The following TNPO2 variants were observed in gnomAD, a reference collection of about 807,000 sequenced individuals.
The protein encoded by TNPO2 is transportin 2.
A neutral mutation model predicts 111.1 loss-of-function variants in TNPO2; 16 were observed. The observed-to-expected ratio is 0.14, with a 90% CI of 0.10 to 0.22. The LOEUF (loss-of-function observed/expected upper bound fraction) is 0.22, where lower values mean the gene tolerates loss of function less well. Among genes scored for constraint, TNPO2 ranks in the 10% least tolerant of loss-of-function variants. TNPO2 has a pLI of 1.00. For synonymous variants in TNPO2, 481 were observed against 475.8 expected, an observed-to-expected ratio of 1.01 and a Z score of -0.14; for missense variants, 530 against 1,173.7, an observed-to-expected ratio of 0.45 and a Z score of 8.01.
At chr19:12,718,638 G>T (rs1300889117) in intron 5 of TNPO2, among the ~76,000 whole-genome samples, 57 of 152,154 alleles carry the variant, frequency 3.7e-4, no homozygotes, top group Non-Finnish European at 4.4e-5. Context: ...CCTTCCAAGA[G>T]TCAGAAAAGG....
intron 2 of TNPO2, among the ~76,000 whole-genome samples, chr19:12,722,790 T>G (rs774268446): frequency 6.6e-6 from 1 of 152,024 alleles, no homozygotes; most frequent in Non-Finnish European, 1.5e-5. Flanking sequence ...CAGCCGGTCC[T>G]CCCAGTGTCT....
In TNPO2 at chr19:12,706,089, G is replaced by C; in HGVS notation, c.1668+107C>G. ...CGGGGCCGGGTCTGTCTGTCTGCCT[G>C]TCGAGGTCACGGCCACGTCCCTGGC... On this transcript the variant is annotated intron_variant, in intron 15 of 25. Transcript: ENST00000425528. This position sits in a 1 kb window ranked among gnomAD's most constrained non-coding sequence, Gnocchi z 7.0. The C allele has an allele frequency of 7.7e-7, 1 of 1,297,850 alleles. No homozygotes were observed. Among genetic ancestry groups the C allele is most frequent in the Non-Finnish European group, 1.1e-6 (1 of 947,894 alleles). 80.4% of individuals were successfully genotyped at this position (1,297,850 alleles called of 1,614,324 possible).
In TNPO2 at chr19:12,721,424, T is replaced by C. The variant is rs1210320607; in HGVS notation, c.-13-434A>G. 4.8e-6 allele frequency: 3 copies of C among 630,166 alleles called. No homozygotes were observed. The highest frequency in any genetic ancestry group is 3.0e-4 in the Middle Eastern group (1 of 3,368). 39.0% of individuals were successfully genotyped at this position (630,166 alleles called of 1,614,324 possible). A position where few individuals can be genotyped will look rare whatever the true frequency, so the allele number is the denominator to read the frequency against. ...GCCCCGGCCCCCGTGGTCTCTTCTA[T>C]GCAGGCACAGTCCCTGAAGAGTCCC... is the stretch of plus-strand genomic sequence containing the variant. On this transcript the variant is annotated intron_variant, in intron 2 of 25. Transcript: ENST00000425528. This position sits in a 1 kb window ranked among gnomAD's most constrained non-coding sequence, Gnocchi z 4.9.
chr19:12,717,036 A>G lies in TNPO2; in HGVS notation c.326-1297T>C, dbSNP rs1034106766. 3.3e-5 allele frequency among the ~76,000 whole-genome samples: 5 copies of G among 152,180 alleles called. No homozygotes were observed. In the East Asian group the frequency reaches 5.8e-4, roughly 18 times the overall value. On this transcript the variant is annotated intron_variant, in intron 5 of 25. Transcript: ENST00000425528. ...CACATATCTGGTGACAGAGCTGGATATGGGTTCTGTTAAGTGCAGAGATGG... is the reference window on the plus strand; with the variant it reads ...CACATATCTGGTGACAGAGCTGGATGTGGGTTCTGTTAAGTGCAGAGATGG...
chr19:12,701,251 G>C lies in TNPO2; in HGVS notation c.*21-8C>G, dbSNP rs1280420198. On this transcript the variant is annotated splice_polypyrimidine_tract_variant and splice_region_variant and intron_variant, in intron 25 of 25. Transcript: ENST00000425528. This position sits in a 1 kb window ranked among gnomAD's most constrained non-coding sequence, Gnocchi z 5.0. Reference sequence around the variant, plus strand: ...GACGACGCAGACAGAAACCTGCAGGGGGAGGAGGAAGGTCATGGCCTGGGA... The same window carrying C: ...GACGACGCAGACAGAAACCTGCAGGCGGAGGAGGAAGGTCATGGCCTGGGA... The C allele has an allele frequency of 5.2e-6, 5 of 963,762 alleles. No individual in the cohort carries two copies. The highest frequency in any genetic ancestry group is 7.9e-6 in the Non-Finnish European group (5 of 631,020). 59.7% of individuals were successfully genotyped at this position (963,762 alleles called of 1,614,324 possible).
rs373845571 is a variant in TNPO2, at chr19:12,711,626, G to A, written c.891-13C>T. The A allele has an allele frequency of 2.3e-5, 37 of 1,612,254 alleles. No individual in the cohort carries two copies. In the African/African-American group the frequency reaches 4.5e-4, roughly 20 times the overall value. On this transcript the variant is annotated splice_polypyrimidine_tract_variant and intron_variant, in intron 10 of 25. Transcript: ENST00000425528. ...GATGGGGATCAACCTGCACAGAGAG[G>A]GACTGTTTATGGGGATGCAGGGGCC...
Position 12,705,583 on chromosome 19 carries a change from G to A in TNPO2, c.1772C>T (p.Ala591Val). The A allele has an allele frequency of 6.2e-7, 1 of 1,602,834 alleles. No homozygotes were observed. Among genetic ancestry groups the A allele is most frequent in the Non-Finnish European group, 8.5e-7 (1 of 1,175,254 alleles). ...FPLLECLSSV[A>V]TALQSGFLPY... Reference sequence around the variant, plus strand: ...CAGGAAGCCACTCTGCAGGGCGGTGGCCACCGATGACAGACACTGGCAGGG... The same window carrying A: ...CAGGAAGCCACTCTGCAGGGCGGTGACCACCGATGACAGACACTGGCAGGG... The change falls in exon 17 of 26, where the codon GCC becomes GTC. Residue 591 changes from alanine to valine, a missense_variant. Transcript: ENST00000425528. This position sits in a 1 kb window ranked among gnomAD's most constrained non-coding sequence, Gnocchi z 7.2.
Position 12,721,078 on chromosome 19 carries a change from TG to T in TNPO2, c.-13-89del, listed in dbSNP as rs755392468. Reference sequence around the variant, plus strand: ...AGCCCCTGAGGCCGCGGTGGCCGCATGACGACGGGAACGCCCTCGGCGGACA... The same window carrying T: ...AGCCCCTGAGGCCGCGGTGGCCGCATACGACGGGAACGCCCTCGGCGGACA... On this transcript the variant is annotated intron_variant, in intron 2 of 25. Transcript: ENST00000425528. The surrounding 1 kb of genome is among the most constrained non-coding windows in gnomAD (Gnocchi z 4.9). The T allele has an allele frequency of 3.3e-5, 51 of 1,531,016 alleles. No homozygotes were observed. The highest frequency in any genetic ancestry group is 3.5e-5 in the Non-Finnish European group (40 of 1,144,576). 94.8% of individuals were successfully genotyped at this position (1,531,016 alleles called of 1,614,324 possible). A position where few individuals can be genotyped will look rare whatever the true frequency, so the allele number is the denominator to read the frequency against.
intron 10 of TNPO2, 38 bp downstream of exon 10, chr19:12,714,783 G>A (rs1457198764): frequency 2.0e-5 from 32 of 1,567,176 alleles, no homozygotes; most frequent in South Asian, 1.9e-4. Context: ...GCAAGGGGTC[G>A]AAGCTGGGGT....
At position 12,699,320 on chromosome 19, in the gene TNPO2, G is replaced by A. The variant is rs751757599; in HGVS notation, c.*1944C>T. Reference sequence around the variant, plus strand: ...GGACAGACCCGGGAGCCCGCAGGGGGAAGAGGGTGAGGAGGGAAAGAGGGA... The same window carrying A: ...GGACAGACCCGGGAGCCCGCAGGGGAAAGAGGGTGAGGAGGGAAAGAGGGA... On this transcript the variant is annotated 3_prime_UTR_variant, in exon 26 of 26. Transcript: ENST00000425528. 7 of 428,702 alleles carry A rather than the reference G, an allele frequency of 1.6e-5. No individual in the cohort carries two copies. Among genetic ancestry groups the A allele is most frequent in the South Asian group, 1.0e-4 (6 of 59,968 alleles). The allele number at this position is 428,702 out of a possible 1,614,324, so 26.6% of individuals were successfully genotyped here.
At position 12,715,300 on chromosome 19, in the gene TNPO2, G is replaced by A. The variant is rs761226382; in HGVS notation, c.591C>T (p.Asn197=). 6 of 1,613,750 alleles carry A rather than the reference G, an allele frequency of 3.7e-6. No individual in the cohort carries two copies. In the East Asian group the frequency reaches 1.3e-4, roughly 36 times the overall value. ...CCTGGGCCCGGTCCATGATGAACTGGTTCACGCAGGCGATGGCGTGGGACC... is the reference window on the plus strand; with the variant it reads ...CCTGGGCCCGGTCCATGATGAACTGATTCACGCAGGCGATGGCGTGGGACC... ...KIRSHAIACV[N]QFIMDRAQAL... Residue 197 remains asparagine (N), a synonymous_variant, in exon 8 of 26, where the codon AAC becomes AAT. Coordinates refer to ENST00000425528, the MANE Select transcript of TNPO2 (RefSeq NM_001382241.1). The surrounding 1 kb of genome is among the most constrained non-coding windows in gnomAD (Gnocchi z 7.1).
chr19:12,714,533 C>T (rs570426870), intron 10 of TNPO2, among the ~76,000 whole-genome samples: 12 of 152,134 alleles, frequency 7.9e-5, no homozygotes, highest in South Asian at 4.2e-4. Flanking sequence ...AGGCTGGTCT[C>T]GATCTTCTGA....
intron 11 of TNPO2, 41 bp from the exon 12 acceptor site, chr19:12,711,502 G>T: frequency 6.2e-7 from 1 of 1,613,932 alleles, no homozygotes; most frequent in Non-Finnish European, 8.5e-7. Flanking sequence ...GGGGACCACA[G>T]CCGCGACACC....
chr19:12,718,057 T>C (rs2145602489), intron 5 of TNPO2, among the ~76,000 whole-genome samples: 1 of 151,806 alleles, frequency 6.6e-6, no homozygotes, highest in East Asian at 1.9e-4. Flanking sequence ...CAGGCTGGAG[T>C]GTAGTGCCGC....
chr19:12,709,175 C>T (rs1384084415), intron 13 of TNPO2, among the ~76,000 whole-genome samples: 2 of 151,986 alleles, frequency 1.3e-5, no homozygotes, highest in African/African-American at 2.4e-5. Context: ...TCCTGGCCAA[C>T]GTGGTGAAAC....
Position 12,701,418 on chromosome 19 carries a change from A to G in TNPO2, c.2622T>C (p.Asp874=), listed in dbSNP as rs746518273. 1.9e-5 allele frequency: 31 copies of G among 1,613,816 alleles called. No homozygotes were observed. Among genetic ancestry groups the G allele is most frequent in the Middle Eastern group, 3.3e-4 (2 of 6,084 alleles). ...LHGFKDQVGE[D]NWQQFSEQFP... ...ATTGCTCAGAGAACTGCTGCCAGTTATCTTCCCCAACTTGGTCTTTGAAGC... is the reference window on the plus strand; with the variant it reads ...ATTGCTCAGAGAACTGCTGCCAGTTGTCTTCCCCAACTTGGTCTTTGAAGC... Residue 874 remains aspartate, a synonymous_variant, in exon 25 of 26, where the codon GAT becomes GAC. Transcript: ENST00000425528. The surrounding 1 kb of genome is among the most constrained non-coding windows in gnomAD (Gnocchi z 5.0).
intron 13 of TNPO2, among the ~76,000 whole-genome samples, chr19:12,709,793 A>T (rs1235089988): frequency 4.0e-5 from 6 of 151,786 alleles, no homozygotes; most frequent in East Asian, 1.9e-4. Context: ...TTTTTAAAAA[A>T]TTTTTTGTAG....
intron 13 of TNPO2, among the ~76,000 whole-genome samples, chr19:12,710,397 A>T (rs746791782): frequency 2.0e-5 from 3 of 152,204 alleles, no homozygotes; most frequent in Non-Finnish European, 2.9e-5. Flanking sequence ...TGCTTACAAC[A>T]TGAAAGAACT....
At chr19:12,703,910 T>C in intron 18 of TNPO2, 109 bp from the exon 19 acceptor site, 1 of 966,526 alleles carries the variant, frequency 1.0e-6, no homozygotes, top group South Asian at 1.7e-5. Flanking sequence ...TTTCCAGTTC[T>C]AGAGCTCCTA....
Sources: allele counts gnomAD v4.1 joint callset (sites outside exome capture counted in the v4.1 genomes callset), GRCh38; gene constraint gnomAD v4.1.1; non-coding constraint Gnocchi (gnomAD v3.1); transcripts MANE v1.5; gene names NCBI Gene and HGNC (gene_info 2026-07-23, HGNC 2026-07-21).